Variants in ARHGEF26 observed in about 807,000 individuals in gnomAD.
The protein encoded by ARHGEF26 is Rho guanine nucleotide exchange factor (GEF) 26.
Under a neutral mutation model 89.4 loss-of-function variants are expected in ARHGEF26, and 59 were observed. That is an observed-to-expected ratio of 0.66 (90% CI 0.54 to 0.82). The LOEUF is 0.82. Ranked by LOEUF, ARHGEF26 falls within the 40% of genes least tolerant of loss-of-function variation. The pLI is 0.00. For missense variants in ARHGEF26, 1,234 were observed against 1,085.6 expected (o/e 1.14, Z -1.92); for synonymous variants, 500 against 428.4 (o/e 1.17, Z -2.06).
chr3:154,191,503 A>T (rs1713957734), intron 8 of ARHGEF26, 85 bp downstream of exon 8: 1 of 1,464,018 alleles, frequency 6.8e-7, no homozygotes, highest in Non-Finnish European at 9.1e-7. Flanking sequence ...TTCCACTTAA[A>T]TTGATGCATA....
chr3:154,211,836 A>G (rs558477823), intron 9 of ARHGEF26, among the ~76,000 whole-genome samples: 3 of 147,156 alleles, frequency 2.0e-5, no homozygotes, highest in African/African-American at 7.7e-5. Flanking sequence ...GACACCTAGA[A>G]AATAATGTAT....
chr3:154,195,064 T>C (rs1239091479), intron 9 of ARHGEF26, among the ~76,000 whole-genome samples: 1 of 152,136 alleles, frequency 6.6e-6, no homozygotes, highest in Non-Finnish European at 1.5e-5. Flanking sequence ...GAGGCACGTG[T>C]AGTCACTGTG....
At chr3:154,206,882 C>A (rs769222378) in intron 9 of ARHGEF26, among the ~76,000 whole-genome samples, 2 of 151,478 alleles carry the variant, frequency 1.3e-5, no homozygotes, top group Non-Finnish European at 2.9e-5. Context: ...GCTACAGTAT[C>A]CAAAACAGCA....
chr3:154,201,770 T>C (rs1262039634), intron 9 of ARHGEF26, among the ~76,000 whole-genome samples: 2 of 152,248 alleles, frequency 1.3e-5, no homozygotes, highest in African/African-American at 4.8e-5. Flanking sequence ...ATGAGCATTT[T>C]TTCATGTGTC....
intron 6 of ARHGEF26, among the ~76,000 whole-genome samples, chr3:154,182,535 G>T (rs1264888734): frequency 6.6e-6 from 1 of 152,194 alleles, no homozygotes. Context: ...TGCACATTTT[G>T]TCATGGCGTG....
At chr3:154,155,274 A>G (rs1425833357) in intron 6 of ARHGEF26, among the ~76,000 whole-genome samples, 12 of 152,062 alleles carry the variant, frequency 7.9e-5, no homozygotes, top group Non-Finnish European at 1.5e-5. Flanking sequence ...GGAACAATTT[A>G]AAATTTGAGA....
intron 11 of ARHGEF26, among the ~76,000 whole-genome samples, chr3:154,232,535 T>G (rs1716884262): frequency 6.6e-6 from 1 of 152,194 alleles, no homozygotes; most frequent in South Asian, 2.1e-4. Flanking sequence ...CTAATTATGC[T>G]TGGTCCACTT....
At chr3:154,224,265 A>G (rs146239353) in intron 10 of ARHGEF26, among the ~76,000 whole-genome samples, 38 of 152,214 alleles carry the variant, frequency 2.5e-4, no homozygotes, top group African/African-American at 8.9e-4. Context: ...TAAACTATAT[A>G]TAAAATGTTG....
intron 4 of ARHGEF26, among the ~76,000 whole-genome samples, chr3:154,133,581 G>C (rs1017842766): frequency 1.1e-4 from 16 of 151,746 alleles, no homozygotes; most frequent in African/African-American, 3.9e-4. Flanking sequence ...GTCTGTTTTT[G>C]TACCAGTATC....
chr3:154,152,759 TCC>T lies in ARHGEF26; in HGVS notation c.1327-12_1327-11del. ...AAAGAATTAATAATACATTTCTTTT[TCC>T]TTCTTACCAGGCTATCTTTGAAGTC... On this transcript the variant is annotated splice_polypyrimidine_tract_variant and intron_variant, in intron 5 of 14. Transcript: ENST00000465093. 6.9e-7 allele frequency: 1 copy of T among 1,445,070 alleles called. No homozygotes were observed. Among genetic ancestry groups the T allele is most frequent in the Non-Finnish European group, 9.1e-7 (1 of 1,096,476 alleles). 89.5% of individuals were successfully genotyped at this position (1,445,070 alleles called of 1,614,324 possible). A position where few individuals can be genotyped will look rare whatever the true frequency, so the allele number is the denominator to read the frequency against.
At chr3:154,241,959 G>C (rs777835242) in intron 12 of ARHGEF26, among the ~76,000 whole-genome samples, 1 of 152,234 alleles carries the variant, frequency 6.6e-6, no homozygotes, top group Non-Finnish European at 1.5e-5. Flanking sequence ...GAGCCTAGGA[G>C]AAGGTACAGA....
At chr3:154,125,416 CT>C (rs1360744451) in intron 3 of ARHGEF26, among the ~76,000 whole-genome samples, 2 of 152,172 alleles carry the variant, frequency 1.3e-5, no homozygotes, top group African/African-American at 4.8e-5. Context: ...ATAAGTTCAT[CT>C]CCCTAATTTT....
intron 14 of ARHGEF26, 105 bp from the exon 15 acceptor site, chr3:154,255,226 C>T: frequency 1.7e-6 from 2 of 1,186,316 alleles, no homozygotes; most frequent in Non-Finnish European, 2.4e-6. Context: ...CTCACCGTAG[C>T]ACTTAGCCTG....
At chr3:154,233,609 A>T (rs565064894) in intron 11 of ARHGEF26, among the ~76,000 whole-genome samples, 2 of 152,370 alleles carry the variant, frequency 1.3e-5, no homozygotes, top group East Asian at 1.9e-4. Flanking sequence ...ACGACAGTCT[A>T]GAAGAGGATC....
At chr3:154,166,893 G>T (rs1465072254) in intron 6 of ARHGEF26, among the ~76,000 whole-genome samples, 1 of 152,144 alleles carries the variant, frequency 6.6e-6, no homozygotes, top group Non-Finnish European at 1.5e-5. Flanking sequence ...TTGGGGCGTA[G>T]CTTCCAGAGA....
At chr3:154,183,642 T>C (rs1189571682) in intron 6 of ARHGEF26, among the ~76,000 whole-genome samples, 3 of 152,220 alleles carry the variant, frequency 2.0e-5, no homozygotes, top group African/African-American at 7.2e-5. Flanking sequence ...TAATAGATCA[T>C]TTAACATAGA....
chr3:154,211,801 T>G (rs1272974685), intron 9 of ARHGEF26, among the ~76,000 whole-genome samples: 2 of 152,106 alleles, frequency 1.3e-5, no homozygotes, highest in African/African-American at 4.8e-5. Context: ...AAAATTAAGT[T>G]GCAGAACAAT....
In ARHGEF26 at chr3:154,187,826, A is replaced by G. The variant is rs1415204513; in HGVS notation, c.1629A>G (p.Leu543=). The change falls in exon 7 of 15, where the codon CTA becomes CTG. Residue 543 remains leucine, a synonymous_variant. Transcript: ENST00000465093. ...CTNEVYQQRT[L]QKLLATNPSF... ...ATGAAGTCTACCAACAACGAACACTACAAAAATTGTTGTAAGCAATGTCGA... is the reference window on the plus strand; with the variant it reads ...ATGAAGTCTACCAACAACGAACACTGCAAAAATTGTTGTAAGCAATGTCGA... 5 of 1,608,710 alleles carry G rather than the reference A, an allele frequency of 3.1e-6. No individual in the cohort carries two copies. The Admixed American group carries it at 6.7e-5, about 22-fold the overall frequency.
intron 9 of ARHGEF26, among the ~76,000 whole-genome samples, chr3:154,214,560 G>A (rs751265632): frequency 1.2e-4 from 19 of 152,154 alleles, no homozygotes; most frequent in African/African-American, 4.6e-4. Context: ...GGACAAGAGC[G>A]TGATGAAGGA....
Sources: gnomAD v4.1 joint callset for allele counts (sites outside exome capture counted in the v4.1 genomes callset) on GRCh38, gnomAD v4.1.1 for gene constraint, MANE v1.5 for transcripts, NCBI Gene and HGNC (gene_info 2026-07-23, HGNC 2026-07-21) for gene names.